Variants in COLEC10 observed in about 807,000 individuals in gnomAD.
The protein encoded by COLEC10 is collectin-10.
Under a neutral mutation model 28.4 loss-of-function variants are expected in COLEC10, and 22 were observed. The ratio of observed to expected loss-of-function variants is 0.78; its 90% CI spans 0.55 to 1.11. COLEC10 has a LOEUF of 1.11. Ranked by LOEUF, COLEC10 falls within the 50% of genes least tolerant of loss-of-function variation. COLEC10 has a pLI of 0.00. For synonymous variants in COLEC10, 125 were observed against 116.1 expected (o/e 1.08, Z -0.49); for missense variants, 361 against 344.1 (o/e 1.05, Z -0.39).
the COLEC10 span, among the ~76,000 whole-genome samples, chr8:118,954,502 C>T: frequency 7.8e-3 from 1,184 of 152,294 alleles, 6 homozygotes; most frequent in Middle Eastern, 0.014. Context: ...CAAAAGGGGA[C>T]ATTTGAACAG....
chr8:119,024,579 TACACACAC>T (rs5894472), intron 2 of COLEC10, among the ~76,000 whole-genome samples: 3 of 150,634 alleles, frequency 2.0e-5, no homozygotes, highest in African/African-American at 7.3e-5. Flanking sequence ...TATGCACACA[TACACACAC>T]ACACACACAC....
the COLEC10 span, among the ~76,000 whole-genome samples, chr8:118,957,872 C>T: frequency 6.6e-6 from 1 of 152,102 alleles, no homozygotes; most frequent in African/African-American, 2.4e-5. Flanking sequence ...GGGCTGAATC[C>T]CTGGAATGGG....
chr8:119,094,150 G>A (rs1040787181), intron 3 of COLEC10, among the ~76,000 whole-genome samples: 5 of 152,182 alleles, frequency 3.3e-5, no homozygotes, highest in Admixed American at 6.5e-5. Context: ...GTCAGAGGTC[G>A]GATCATCATA....
intron 1 of COLEC10, among the ~76,000 whole-genome samples, chr8:119,008,856 A>G (rs574009061): frequency 6.6e-6 from 1 of 151,244 alleles, no homozygotes; most frequent in South Asian, 2.1e-4. Flanking sequence ...TGTTGTTACA[A>G]TTAAGTGAAA....
upstream of COLEC10, among the ~76,000 whole-genome samples, chr8:119,066,125 T>G (rs1209177280): frequency 6.6e-6 from 1 of 152,200 alleles, no homozygotes; most frequent in Non-Finnish European, 1.5e-5. Flanking sequence ...AGGGATATTT[T>G]TTCAGCAGTC....
chr8:118,987,813 A>C, the COLEC10 span, among the ~76,000 whole-genome samples: 5 of 152,316 alleles, frequency 3.3e-5, no homozygotes, highest in Middle Eastern at 3.4e-3. Context: ...AATATTTAAA[A>C]ATCTTCGATG....
the COLEC10 span, among the ~76,000 whole-genome samples, chr8:118,956,329 G>A: frequency 5.3e-5 from 8 of 152,110 alleles, no homozygotes; most frequent in Non-Finnish European, 1.0e-4. Context: ...GCTGTTGAAG[G>A]GTGTAATTCT....
intron 2 of COLEC10, among the ~76,000 whole-genome samples, chr8:119,061,698 C>G (rs972744861): frequency 6.6e-6 from 1 of 151,922 alleles, no homozygotes; most frequent in African/African-American, 2.4e-5. Context: ...GAAGTCCACT[C>G]TCTTTCAGGA....
the COLEC10 span, among the ~76,000 whole-genome samples, chr8:118,972,214 A>G: frequency 7.9e-5 from 12 of 151,986 alleles, no homozygotes; most frequent in African/African-American, 2.9e-4. Flanking sequence ...CAATTCATTT[A>G]TTCGTGTAAC....
rs1813795009 is a variant in COLEC10, at chr8:119,006,283, G to A, written n.123-3158G>A. Among the ~76,000 whole-genome samples the A allele has an allele frequency of 2.0e-5, 3 of 152,054 alleles. No individual in the cohort carries two copies. The South Asian group carries it at 6.2e-4, about 32-fold the overall frequency. ...TCAAGTTTTCTTGCTCCACTTATGA[G>A]ACACATATCATAAACTTCCACAAGC... On this transcript the variant is annotated intron_variant and non_coding_transcript_variant, in intron 1 of 6. Transcript: ENST00000521788.
chr8:119,002,383 C>T (rs1006427791), intron 1 of COLEC10, among the ~76,000 whole-genome samples: 4 of 151,914 alleles, frequency 2.6e-5, no homozygotes, highest in African/African-American at 4.8e-5. Context: ...TATAAAAACA[C>T]GTTTGGATTA....
chr8:119,062,893 T>A (rs984575727), upstream of COLEC10: 2 of 152,230 alleles, frequency 1.3e-5, no homozygotes, highest in Admixed American at 6.5e-5. Context: ...TCTACTAATT[T>A]TCATTTTTTA....
At chr8:118,965,729 GTTAT>G in the COLEC10 span, among the ~76,000 whole-genome samples, 1 of 151,970 alleles carries the variant, frequency 6.6e-6, no homozygotes, top group African/African-American at 2.4e-5. Context: ...GAAAAGGGGA[GTTAT>G]TCATGGATCT....
chr8:118,991,965 T>C (rs1813512398), upstream of COLEC10, among the ~76,000 whole-genome samples: 1 of 152,098 alleles, frequency 6.6e-6, no homozygotes, highest in Admixed American at 6.6e-5. Flanking sequence ...GGACTGTACA[T>C]TCTTCTTGTA....
upstream of COLEC10, among the ~76,000 whole-genome samples, chr8:119,063,721 A>G (rs1396739097): frequency 6.9e-6 from 1 of 144,158 alleles, no homozygotes; most frequent in Admixed American, 6.9e-5. Context: ...TAAGGCCACA[A>G]TTCAATTCAC....
chr8:118,961,790 C>T, the COLEC10 span, among the ~76,000 whole-genome samples: 1 of 152,116 alleles, frequency 6.6e-6, no homozygotes, highest in South Asian at 2.1e-4. Context: ...CCTTTAAAGT[C>T]AAGGAAGGTT....
intron 1 of COLEC10, among the ~76,000 whole-genome samples, chr8:119,071,277 T>C: frequency 6.6e-6 from 1 of 152,252 alleles, no homozygotes; most frequent in East Asian, 1.9e-4. Context: ...TTTACCCTAT[T>C]GCTTATTTTG....
intron 1 of COLEC10, among the ~76,000 whole-genome samples, chr8:118,996,090 A>T (rs1312421768): frequency 6.6e-6 from 1 of 152,154 alleles, no homozygotes; most frequent in African/African-American, 2.4e-5. Flanking sequence ...CTCTCTGCTT[A>T]ATTTGACTGT....
intron 1 of COLEC10, among the ~76,000 whole-genome samples, chr8:119,008,825 G>A (rs1164191598): frequency 6.6e-6 from 1 of 150,934 alleles, no homozygotes; most frequent in Non-Finnish European, 1.5e-5. Context: ...ATAAAATAGG[G>A]GTAACTACCC....
Sources: gnomAD v4.1 joint callset for allele counts (sites outside exome capture counted in the v4.1 genomes callset) on GRCh38, gnomAD v4.1.1 for gene constraint, MANE v1.5 for transcripts, NCBI Gene and HGNC (gene_info 2026-07-23, HGNC 2026-07-21) for gene names.